The following CDIN1 variants were observed in gnomAD, a reference collection of about 807,000 sequenced individuals.
CDIN1 encodes CDAN1-interacting nuclease 1.
In CDIN1, 33 loss-of-function variants were observed where a neutral mutation model predicts 45.3. The observed-to-expected ratio is 0.73, with a 90% CI of 0.55 to 0.97. CDIN1 has a LOEUF of 0.97. CDIN1 is among the 50% of genes least tolerant of loss of function. The pLI is 0.00. For missense variants in CDIN1, 303 were observed against 339.4 expected, an observed-to-expected ratio of 0.89 and a Z score of 0.84; for synonymous variants, 118 against 124.4, an observed-to-expected ratio of 0.95 and a Z score of 0.34.
Position 36,619,512 on chromosome 15 carries a change from TATCTATCC to T in CDIN1, c.102-24762_102-24755del, listed in dbSNP as rs760712308. On this transcript the variant is annotated intron_variant, in intron 1 of 10. Coordinates refer to ENST00000566621, the MANE Select transcript of CDIN1 (RefSeq NM_001321759.2). ...CTATCTATCTATCTATCTATCTATC[TATCTATCC>T]ATCCATCCACACACACATATAAAGT... is the stretch of plus-strand genomic sequence containing the variant. 1.0e-4 allele frequency among the ~76,000 whole-genome samples: 15 copies of T among 145,756 alleles called. No individual in the cohort carries two copies. The South Asian group carries it at 1.5e-3, about 15-fold the overall frequency.
intron 1 of CDIN1, among the ~76,000 whole-genome samples, chr15:36,589,941 C>G (rs888809947): frequency 2.0e-5 from 3 of 152,216 alleles, no homozygotes; most frequent in Admixed American, 6.5e-5. Flanking sequence ...AAATCCAACC[C>G]TGTTCTAGCC....
chr15:36,729,148 T>C (rs747438946), intron 10 of CDIN1, among the ~76,000 whole-genome samples: 15 of 152,302 alleles, frequency 9.8e-5, no homozygotes, highest in Admixed American at 2.6e-4. Flanking sequence ...TGATAGACTT[T>C]TTTCTCTTTA....
intron 1 of CDIN1, among the ~76,000 whole-genome samples, chr15:36,630,995 C>T (rs1254014988): frequency 1.3e-5 from 2 of 152,152 alleles, no homozygotes; most frequent in African/African-American, 4.8e-5. Flanking sequence ...ACACCGGTAA[C>T]CAACCTTCAA....
At chr15:36,654,050 C>G (rs1486544415) in intron 3 of CDIN1, 48 bp from the exon 4 acceptor site, 1 of 1,414,132 alleles carries the variant, frequency 7.1e-7, no homozygotes, top group East Asian at 2.5e-5. Flanking sequence ...CAAGTCTATG[C>G]TGGCCTTTTC....
chr15:36,691,432 A>G (rs1185552101), intron 5 of CDIN1, among the ~76,000 whole-genome samples: 2 of 151,620 alleles, frequency 1.3e-5, no homozygotes, highest in Non-Finnish European at 2.9e-5. Flanking sequence ...AAAGAGACAT[A>G]TGCTTTAGGT....
chr15:36,691,807 C>A lies in CDIN1; in HGVS notation c.426+43C>A, dbSNP rs372751695. The A allele has an allele frequency of 3.1e-5, 43 of 1,389,214 alleles. No homozygotes were observed. In the African/African-American group the frequency reaches 4.9e-4, roughly 16 times the overall value. The allele number at this position is 1,389,214 out of a possible 1,614,324, so 86.1% of individuals were successfully genotyped here. ...CTATTTTCAGTGGCAATGCTGTTAT[C>A]TGCCTAGCAGAGTAAAGGATTTTAA... On this transcript the variant is annotated intron_variant, in intron 6 of 10. Coordinates refer to ENST00000566621, the MANE Select transcript of CDIN1 (RefSeq NM_001321759.2).
chr15:36,803,274 G>A (rs1458765831), intron 10 of CDIN1, among the ~76,000 whole-genome samples: 1 of 150,768 alleles, frequency 6.6e-6, no homozygotes, highest in Admixed American at 6.7e-5. Flanking sequence ...GAGTATTGCT[G>A]TATAGTGCAA....
At chr15:36,765,730 T>G (rs908597679) in intron 10 of CDIN1, among the ~76,000 whole-genome samples, 1 of 152,208 alleles carries the variant, frequency 6.6e-6, no homozygotes, top group Non-Finnish European at 1.5e-5. Flanking sequence ...TGTTGAGATA[T>G]AATTGATATA....
intron 5 of CDIN1, among the ~76,000 whole-genome samples, chr15:36,678,999 G>T (rs887817162): frequency 1.6e-4 from 24 of 152,306 alleles, no homozygotes; most frequent in Middle Eastern, 3.4e-3. Flanking sequence ...GCCCTTAGCT[G>T]GGGGAAAATT....
At chr15:36,740,863 T>G (rs943136331) in intron 10 of CDIN1, among the ~76,000 whole-genome samples, 14 of 150,252 alleles carry the variant, frequency 9.3e-5, no homozygotes, top group African/African-American at 2.9e-4. Flanking sequence ...CTCTCCAGCC[T>G]AGGCAACAAG....
At chr15:36,645,939 T>A (rs1258820341) in intron 3 of CDIN1, among the ~76,000 whole-genome samples, 1 of 146,304 alleles carries the variant, frequency 6.8e-6, no homozygotes, top group African/African-American at 2.5e-5. Flanking sequence ...AATTTCAACT[T>A]CTTGTTCTGA....
At chr15:36,649,050 C>T (rs1194563792) in intron 3 of CDIN1, among the ~76,000 whole-genome samples, 1 of 152,116 alleles carries the variant, frequency 6.6e-6, no homozygotes, top group Non-Finnish European at 1.5e-5. Flanking sequence ...TTAATTATCC[C>T]CCACATCAAA....
chr15:36,749,653 G>A (rs1160822090), intron 10 of CDIN1, among the ~76,000 whole-genome samples: 1 of 152,178 alleles, frequency 6.6e-6, no homozygotes, highest in African/African-American at 2.4e-5. Context: ...ATTGAACAGT[G>A]GTTCTTCTTT....
At chr15:36,715,049 A>G (rs1273710657) in intron 10 of CDIN1, among the ~76,000 whole-genome samples, 2 of 152,182 alleles carry the variant, frequency 1.3e-5, no homozygotes, top group African/African-American at 2.4e-5. Flanking sequence ...GATTGGCTCT[A>G]AAGGACAGTA....
chr15:36,606,474 A>G (rs2038384345), intron 1 of CDIN1, among the ~76,000 whole-genome samples: 2 of 152,180 alleles, frequency 1.3e-5, no homozygotes, highest in African/African-American at 2.4e-5. Context: ...ACCCATAAAG[A>G]GATGCGGAAA....
Position 36,654,111 on chromosome 15 carries a change from G to GT in CDIN1, c.227dup (p.Val77GlyfsTer15), listed in dbSNP as rs752973923. 6.3e-7 allele frequency: 1 copy of GT among 1,579,182 alleles called. No homozygotes were observed. The highest frequency in any genetic ancestry group is 8.6e-7 in the Non-Finnish European group (1 of 1,160,254). ...TGTCTTGTCTAGGTACCTGAATGGA[G>GT]TGGTGAAAAATGGAGCTGCCCCAGT... On this transcript the variant is annotated frameshift_variant, in exon 4 of 11. Coordinates refer to ENST00000566621, the MANE Select transcript of CDIN1 (RefSeq NM_001321759.2). LOFTEE classifies it high-confidence loss of function.
In CDIN1 at chr15:36,669,951, C is replaced by T. The variant is rs188119475; in HGVS notation, c.346+12046C>T. ...TTGTAAAATTACTATTTTTCCCTTT[C>T]CATACTCTCTTCTTTGGAAGCAAGT... On this transcript the variant is annotated intron_variant, in intron 5 of 10. Transcript: ENST00000566621. Among the ~76,000 whole-genome samples the T allele has an allele frequency of 4.2e-3, 642 of 152,084 alleles. 1 individual carries two copies. Among genetic ancestry groups the T allele is most frequent in the Non-Finnish European group, 5.4e-3 (364 of 67,932 alleles).
intron 8 of CDIN1, among the ~76,000 whole-genome samples, chr15:36,703,377 T>TATCTGATATAC (rs1555397335): frequency 0.051 from 1,308 of 25,820 alleles, 49 homozygotes; most frequent in Middle Eastern, 0.068. Context: ...CTATCATATA[T>TATCTGATATAC]ATATATATCA....
At chr15:36,705,035 G>C (rs927580939) in intron 8 of CDIN1, 7 of 152,136 alleles carry the variant, frequency 4.6e-5, no homozygotes, top group African/African-American at 1.7e-4. Context: ...AATTGCTTTG[G>C]ATATTTTGGG....
Sources: allele counts gnomAD v4.1 joint callset (sites outside exome capture counted in the v4.1 genomes callset), GRCh38; gene constraint gnomAD v4.1.1; transcripts MANE v1.5; gene names NCBI Gene and HGNC (gene_info 2026-07-23, HGNC 2026-07-21).